Variants in MYLK observed in about 807,000 individuals in gnomAD.
MYLK encodes the protein myosin light chain kinase.
A neutral mutation model predicts 203.4 loss-of-function variants in MYLK; 106 were observed. The ratio of observed to expected loss-of-function variants is 0.52; its 90% CI spans 0.45 to 0.61. The LOEUF is 0.61. Ranked by LOEUF, MYLK falls within the 20% of genes least tolerant of loss-of-function variation. MYLK has a pLI of 0.00. For synonymous variants in MYLK, 867 were observed against 959.5 expected (o/e 0.90, Z 1.78); for missense variants, 2,072 against 2,442.3 (o/e 0.85, Z 3.20).
chr3:123,846,427 T>C (rs1174027356), intron 2 of MYLK, among the ~76,000 whole-genome samples: 1 of 152,240 alleles, frequency 6.6e-6, no homozygotes, highest in Non-Finnish European at 1.5e-5. Flanking sequence ...AATATAACTA[T>C]AGTTCTTTTA....
intron 16 of MYLK, among the ~76,000 whole-genome samples, chr3:123,705,704 T>A (rs1266231652): frequency 1.3e-5 from 2 of 152,132 alleles, no homozygotes. Flanking sequence ...CCTGGCAAAC[T>A]TCCCACAGCC....
chr3:123,682,407 C>T (rs2060300269), intron 19 of MYLK, 97 bp from the exon 20 acceptor site: 1 of 1,002,682 alleles, frequency 1.0e-6, no homozygotes, highest in Non-Finnish European at 1.5e-6. Context: ...AAACTCCTCC[C>T]CAACTCTGAG....
In MYLK at chr3:123,614,094, C is replaced by T; in HGVS notation, c.*11G>A. 6.2e-7 allele frequency: 1 copy of T among 1,604,258 alleles called. No individual in the cohort carries two copies. Among genetic ancestry groups the T allele is most frequent in the Non-Finnish European group, 8.5e-7 (1 of 1,175,682 alleles). ...AATATGACTTAGAAACTGCTTTTCT[C>T]TGGCTTTGTTTCACTCTTCTTCCTC... On this transcript the variant is annotated 3_prime_UTR_variant, in exon 34 of 34. Transcript: ENST00000360304.
At position 123,734,201 on chromosome 3, in the gene MYLK, T is replaced by C. The variant is rs2062596150; in HGVS notation, c.795A>G (p.Lys265=). The change falls in exon 10 of 34, where the codon AAA becomes AAG. Residue 265 remains lysine, a synonymous_variant. Transcript: ENST00000360304. ...CTTTCCTGACATCTGAATTGGTGGC[T>C]TTTGTTTCTCTCACAAATGACCTGT... ...SANRSFVRET[K]ATNSDVRKEV... is the part of the protein sequence containing the mutation. 6.5e-7 allele frequency: 1 copy of C among 1,545,532 alleles called. No individual in the cohort carries two copies. The highest frequency in any genetic ancestry group is 1.4e-5 in the African/African-American group (1 of 72,858).
intron 5 of MYLK, among the ~76,000 whole-genome samples, chr3:123,745,728 G>A (rs1379341815): frequency 6.6e-6 from 1 of 152,234 alleles, no homozygotes; most frequent in East Asian, 1.9e-4. Context: ...CTCAGGCCCT[G>A]TGCTAGGTTC....
At position 123,640,563 on chromosome 3, in the gene MYLK, G is replaced by C. The variant is rs2306602; in HGVS notation, c.4620-59C>G. The C allele has an allele frequency of 3.9e-4, 623 of 1,591,018 alleles. 5 individuals are homozygous for C. The East Asian group carries it at 0.012, about 32-fold the overall frequency. ...CAGGCTCATGGAGGCCAGGCTGGCA[G>C]GGAGTCTGGCCAGGGTAGGCTGGGG... On this transcript the variant is annotated intron_variant, in intron 27 of 33. Transcript: ENST00000360304. The surrounding 1 kb of genome is among the most constrained non-coding windows in gnomAD (Gnocchi z 4.3).
Position 123,749,483 on chromosome 3 carries a change from G to A in MYLK, c.373+2848C>T, listed in dbSNP as rs1012893117. Among the ~76,000 whole-genome samples the A allele has an allele frequency of 7.2e-5, 11 of 152,130 alleles. No individual in the cohort carries two copies. The South Asian group carries it at 1.7e-3, about 23-fold the overall frequency. ...CCTTCCAGGGGCTCAGACCAAGGCT[G>A]ATTTCCATCATGTAAGGCCCTGAAT... is the stretch of plus-strand genomic sequence containing the variant. On this transcript the variant is annotated intron_variant, in intron 5 of 33. Coordinates refer to ENST00000360304, the MANE Select transcript of MYLK (RefSeq NM_053025.4).
rs762039026 is a variant in MYLK at position 123,667,146 on chromosome 3, G to A, written c.3694C>T (p.Pro1232Ser). ...TGCCGTGGCCAATTACCTGCCTTCG[G>A]AGGTGTCTTGGGGGCAGGTTTCTTT... ...VKKKPAPKTP[P>S]KAAMPPQIIQ... is the part of the protein sequence containing the mutation. Residue 1232 changes from proline to serine, a missense_variant, in exon 21 of 34, where the codon CCG (proline) becomes TCG (serine). Pro to Ser is a moderately conservative substitution (Grantham distance 74). Around this residue, in one of 3 missense-constraint regions of MYLK, gnomAD observed 865 missense variants for 1,016.0 expected, o/e 0.85. Coordinates refer to ENST00000360304, the MANE Select transcript of MYLK (RefSeq NM_053025.4). The A allele has an allele frequency of 6.2e-7, 1 of 1,614,076 alleles. No homozygotes were observed. The highest frequency in any genetic ancestry group is 1.1e-5 in the South Asian group (1 of 91,062).
At chr3:123,676,129 C>T (rs573689444) in intron 20 of MYLK, among the ~76,000 whole-genome samples, 21 of 152,226 alleles carry the variant, frequency 1.4e-4, no homozygotes, top group Non-Finnish European at 2.2e-4. Context: ...CAGGTCTCCC[C>T]TCTGGCCAGT....
At chr3:123,849,658 C>A (rs906923854) in intron 2 of MYLK, among the ~76,000 whole-genome samples, 50 of 152,130 alleles carry the variant, frequency 3.3e-4, no homozygotes, top group African/African-American at 1.1e-3. Flanking sequence ...AAAATGATGG[C>A]TCGTGTTGGG....
intron 22 of MYLK, among the ~76,000 whole-genome samples, chr3:123,665,746 A>G (rs1346133128): frequency 6.6e-6 from 1 of 152,244 alleles, no homozygotes; most frequent in African/African-American, 2.4e-5. Flanking sequence ...ACACAATTCT[A>G]TTTATCATAC....
intron 27 of MYLK, among the ~76,000 whole-genome samples, chr3:123,641,141 GTAA>G (rs2058819058): frequency 6.6e-6 from 1 of 152,170 alleles, no homozygotes; most frequent in African/African-American, 2.4e-5. Flanking sequence ...CCCCAGCTGT[GTAA>G]TCCTTTCTAA....
intron 4 of MYLK, among the ~76,000 whole-genome samples, chr3:123,791,872 G>A (rs6810321): frequency 0.11 from 17,489 of 152,178 alleles, 3,273 homozygotes; most frequent in African/African-American, 0.39. Flanking sequence ...GAAAAATACT[G>A]TCTTACCAAA....
chr3:123,705,823 A>G (rs1335593405), intron 16 of MYLK, among the ~76,000 whole-genome samples: 1 of 152,048 alleles, frequency 6.6e-6, no homozygotes, highest in Non-Finnish European at 1.5e-5. Flanking sequence ...AAAATCCCCA[A>G]ACAAGCTCAT....
At chr3:123,858,200 A>G (rs1395751097) in intron 2 of MYLK, among the ~76,000 whole-genome samples, 1 of 152,158 alleles carries the variant, frequency 6.6e-6, no homozygotes, top group East Asian at 1.9e-4. Context: ...TTGGACCTGA[A>G]GATGGTTTCA....
intron 5 of MYLK, among the ~76,000 whole-genome samples, chr3:123,744,479 A>G (rs2062955376): frequency 6.6e-6 from 1 of 152,252 alleles, no homozygotes; most frequent in Non-Finnish European, 1.5e-5. Context: ...ACTTTAAAAG[A>G]AGATAACATA....
At chr3:123,807,886 G>A (rs1577035904) in intron 3 of MYLK, among the ~76,000 whole-genome samples, 6 of 152,348 alleles carry the variant, frequency 3.9e-5, no homozygotes, top group Admixed American at 3.9e-4. Flanking sequence ...CATCAGAATG[G>A]CCAGGAGGCC....
Position 123,820,449 on chromosome 3 carries a change from C to T in MYLK, c.-4+11099G>A, listed in dbSNP as rs116492528. Among the ~76,000 whole-genome samples the T allele has an allele frequency of 2.9e-3, 441 of 152,302 alleles. 1 individual carries two copies. Among genetic ancestry groups the T allele is most frequent in the African/African-American group, 0.01 (422 of 41,582 alleles). On this transcript the variant is annotated intron_variant, in intron 3 of 33. Coordinates refer to ENST00000360304, the MANE Select transcript of MYLK (RefSeq NM_053025.4). ...GTAGATACAGAAGCAGTCATGGCTC[C>T]ACGTCTTTTTCAGATACCCTAAATT... is the stretch of plus-strand genomic sequence containing the variant.
chr3:123,822,041 G>C (rs1002213824), intron 3 of MYLK, among the ~76,000 whole-genome samples: 1 of 152,100 alleles, frequency 6.6e-6, no homozygotes, highest in Non-Finnish European at 1.5e-5. Flanking sequence ...TTAAAAAAAA[G>C]TCCAACCCTC....
Sources: allele counts gnomAD v4.1 joint callset (sites outside exome capture counted in the v4.1 genomes callset), GRCh38; gene constraint gnomAD v4.1.1; regional missense constraint gnomAD v4.1.1; non-coding constraint Gnocchi (gnomAD v3.1); transcripts MANE v1.5; gene names NCBI Gene and HGNC (gene_info 2026-07-23, HGNC 2026-07-21).